TMEM232: variants seen among roughly 807,000 people sequenced by gnomAD.
The protein encoded by TMEM232 is transmembrane protein 232.
A neutral mutation model predicts 78.8 loss-of-function variants in TMEM232; 80 were observed. The ratio of observed to expected loss-of-function variants is 1.01; its 90% confidence interval spans 0.85 to 1.22. The LOEUF (loss-of-function observed/expected upper bound fraction) is 1.22, where lower values mean the gene tolerates loss of function less well. Among genes scored for constraint, TMEM232 ranks in the 50% most tolerant of loss-of-function variants. The probability of loss-of-function intolerance (pLI) is 0.00; values close to 1 mark genes in which losing one functional copy is unlikely to be tolerated. For missense variants in TMEM232, 881 were observed against 742.2 expected (o/e 1.19, Z -2.17); for synonymous variants, 297 against 254.3 (o/e 1.17, Z -1.60).
intron 1 of TMEM232, among the ~76,000 whole-genome samples, chr5:110,676,717 C>A (rs1792069164): frequency 6.6e-6 from 1 of 150,414 alleles, no homozygotes; most frequent in Non-Finnish European, 1.5e-5. Context: ...AGCCACCATG[C>A]CGGACCCTTC....
chr5:110,465,495 T>A (rs917663946), intron 12 of TMEM232, among the ~76,000 whole-genome samples: 20 of 152,260 alleles, frequency 1.3e-4, no homozygotes, highest in African/African-American at 4.8e-4. Flanking sequence ...TACCACAGCA[T>A]TATTTTCTTT....
intron 1 of TMEM232, among the ~76,000 whole-genome samples, chr5:110,701,141 AACTG>A (rs1359922334): frequency 5.9e-5 from 9 of 152,006 alleles, no homozygotes; most frequent in African/African-American, 1.4e-4. Context: ...ACTGAAAAAG[AACTG>A]ACTAAAAATG....
chr5:110,520,227 A>C (rs1250167794), intron 12 of TMEM232, among the ~76,000 whole-genome samples: 1 of 151,998 alleles, frequency 6.6e-6, no homozygotes, highest in Non-Finnish European at 1.5e-5. Flanking sequence ...AATTACTCTG[A>C]TTTGATCATT....
At chr5:110,422,431 A>G (rs1030191537) in intron 13 of TMEM232, among the ~76,000 whole-genome samples, 2 of 149,144 alleles carry the variant, frequency 1.3e-5, no homozygotes, top group African/African-American at 2.5e-5. Flanking sequence ...GAGGCAGGAG[A>G]ATGGCATGAA....
intron 10 of TMEM232, among the ~76,000 whole-genome samples, chr5:110,598,595 A>C (rs1387783896): frequency 6.6e-6 from 1 of 152,054 alleles, no homozygotes; most frequent in Non-Finnish European, 1.5e-5. Flanking sequence ...ACAATGGCAA[A>C]GACTTAGAAC....
intron 1 of TMEM232, chr5:110,667,632 C>T (rs1158205823): frequency 4.0e-5 from 8 of 198,348 alleles, no homozygotes; most frequent in Non-Finnish European, 8.0e-5. Flanking sequence ...AGCAGCATGG[C>T]ATGGTAGCTA....
chr5:110,634,785 A>C (rs903923638), intron 5 of TMEM232, among the ~76,000 whole-genome samples: 2 of 152,104 alleles, frequency 1.3e-5, no homozygotes, highest in African/African-American at 2.4e-5. Flanking sequence ...CACTTCAAGG[A>C]ACTAGTAAAG....
At chr5:110,681,248 T>G (rs948434061) in intron 1 of TMEM232, among the ~76,000 whole-genome samples, 1 of 152,134 alleles carries the variant, frequency 6.6e-6, no homozygotes, top group African/African-American at 2.4e-5. Context: ...AGACTCCCAG[T>G]GATGCCTGCA....
intron 12 of TMEM232, among the ~76,000 whole-genome samples, chr5:110,436,845 G>C (rs565803789): frequency 4.0e-5 from 6 of 151,788 alleles, no homozygotes; most frequent in African/African-American, 7.3e-5. Flanking sequence ...TGCTTTTTTG[G>C]TTACTATAGC....
At chr5:110,632,567 C>T (rs554073030) in intron 5 of TMEM232, among the ~76,000 whole-genome samples, 1 of 151,866 alleles carries the variant, frequency 6.6e-6, no homozygotes, top group East Asian at 1.9e-4. Flanking sequence ...TACAAAAGAA[C>T]CAAACAAAAT....
chr5:110,447,497 T>C (rs1293365087), intron 12 of TMEM232, among the ~76,000 whole-genome samples: 1 of 152,108 alleles, frequency 6.6e-6, no homozygotes, highest in East Asian at 1.9e-4. Flanking sequence ...AGAGATCTTT[T>C]CAATACACGG....
At chr5:110,583,307 T>C (rs925852340) in intron 10 of TMEM232, among the ~76,000 whole-genome samples, 3 of 151,944 alleles carry the variant, frequency 2.0e-5, no homozygotes, top group African/African-American at 4.8e-5. Flanking sequence ...TATAGACTAA[T>C]GGAACAGAAT....
chr5:110,469,070 G>A (rs1762391801), intron 12 of TMEM232, among the ~76,000 whole-genome samples: 1 of 152,132 alleles, frequency 6.6e-6, no homozygotes, highest in Non-Finnish European at 1.5e-5. Flanking sequence ...GGAACCTAAA[G>A]TTCTCACCAC....
chr5:110,407,110 A>G (rs1755820323), intron 2 of TMEM232, among the ~76,000 whole-genome samples: 1 of 152,130 alleles, frequency 6.6e-6, no homozygotes, highest in South Asian at 2.1e-4. Context: ...AACCAGCAAT[A>G]AAATGATAGT....
At chr5:110,491,371 A>T (rs1311979218) in intron 12 of TMEM232, among the ~76,000 whole-genome samples, 1 of 152,066 alleles carries the variant, frequency 6.6e-6, no homozygotes. Context: ...GCTGATGGGT[A>T]TATAAAATGG....
rs116727166 is a variant in TMEM232, at chr5:110,394,499, G to A, written n.390+3274C>T. On this transcript the variant is annotated intron_variant and non_coding_transcript_variant, in intron 3 of 8. Coordinates refer to the TMEM232 transcript ENST00000507188. The stretch of plus-strand genomic sequence containing the variant: ...TAGAATTCTGTTTTTAGTTTTTTGA[G>A]GAACTTCCAAGCTGTTCTCCATAGT... 3.3e-3 allele frequency among the ~76,000 whole-genome samples: 495 copies of A among 152,182 alleles called. 1 individual carries two copies. The highest frequency in any genetic ancestry group is 0.011 in the African/African-American group (475 of 41,508).
intron 11 of TMEM232, among the ~76,000 whole-genome samples, chr5:110,538,166 G>A (rs1772632200): frequency 6.6e-6 from 1 of 152,190 alleles, no homozygotes; most frequent in Non-Finnish European, 1.5e-5. Context: ...GGACAATCCA[G>A]CCATGGACTT....
chr5:110,509,937 A>C (rs1208249536), intron 12 of TMEM232, among the ~76,000 whole-genome samples: 3 of 152,078 alleles, frequency 2.0e-5, no homozygotes, highest in Non-Finnish European at 4.4e-5. Context: ...ATCTTTTATA[A>C]ATTTTTCTTA....
At chr5:110,437,257 G>C (rs1281242178) in intron 12 of TMEM232, among the ~76,000 whole-genome samples, 1 of 151,548 alleles carries the variant, frequency 6.6e-6, no homozygotes, top group Non-Finnish European at 1.5e-5. Context: ...TTCATTGCTG[G>C]CATATAGAAA....
Sources: gnomAD v4.1 joint callset for allele counts (sites outside exome capture counted in the v4.1 genomes callset) on GRCh38, gnomAD v4.1.1 for gene constraint, MANE v1.5 for transcripts, NCBI Gene and HGNC (gene_info 2026-07-23, HGNC 2026-07-21) for gene names.